Variants in SPECC1L observed in about 807,000 individuals in gnomAD.
The protein encoded by SPECC1L is cytospin-A.
A neutral mutation model predicts 116.8 loss-of-function variants in SPECC1L; 40 were observed. The observed-to-expected ratio is 0.34, with a 90% CI of 0.27 to 0.45. The LOEUF (loss-of-function observed/expected upper bound fraction) is 0.45. SPECC1L is among the 20% of genes least tolerant of loss of function. The pLI, the probability that SPECC1L is intolerant of heterozygous loss-of-function variation, is 1.00. For synonymous variants in SPECC1L, 504 were observed against 500.6 expected (o/e 1.01, Z -0.09); for missense variants, 1,110 against 1,373.6 (o/e 0.81, Z 3.03).
chr22:24,378,780 G>T (rs1232210475), intron 14 of SPECC1L, among the ~76,000 whole-genome samples: 1 of 152,064 alleles, frequency 6.6e-6, no homozygotes, highest in African/African-American at 2.4e-5. Flanking sequence ...ACAGTTCATG[G>T]CACCCCAAAA....
chr22:24,374,877 A>G (rs998571387), intron 14 of SPECC1L, among the ~76,000 whole-genome samples: 1 of 152,022 alleles, frequency 6.6e-6, no homozygotes, highest in Admixed American at 6.6e-5. Flanking sequence ...AAATAGAAAA[A>G]CAATAGAGAA....
rs9624454 is a variant in SPECC1L at position 24,305,994 on chromosome 22, C to G, written c.153+3610C>G. On this transcript the variant is annotated intron_variant, in intron 3 of 16. Transcript: ENST00000314328. Reference sequence around the variant, plus strand: ...TGGAGTGCAATGGCGCCATCTCCGCCTCCCGGGTTCAAGCGATTCTCCTGC... The same window carrying G: ...TGGAGTGCAATGGCGCCATCTCCGCGTCCCGGGTTCAAGCGATTCTCCTGC... 1.3e-3 allele frequency among the ~76,000 whole-genome samples: 196 copies of G among 151,926 alleles called. 2 individuals carry two copies. The highest frequency in any genetic ancestry group is 6.8e-3 in the Middle Eastern group (2 of 292).
chr22:24,320,689 A>G (rs1214343922), intron 4 of SPECC1L, among the ~76,000 whole-genome samples: 1 of 152,214 alleles, frequency 6.6e-6, no homozygotes, highest in African/African-American at 2.4e-5. Flanking sequence ...ACCAAGTGCT[A>G]GGTATGTGTT....
chr22:24,367,342 C>T (rs535489211), intron 13 of SPECC1L, among the ~76,000 whole-genome samples: 15 of 152,310 alleles, frequency 9.8e-5, no homozygotes, highest in African/African-American at 3.1e-4. Context: ...TCCTTTAAAG[C>T]AAGCTTCTCC....
intron 8 of SPECC1L, among the ~76,000 whole-genome samples, 173 bp from the exon 9 acceptor site, chr22:24,334,237 C>T (rs2041000031): frequency 6.6e-6 from 1 of 152,060 alleles, no homozygotes; most frequent in South Asian, 2.1e-4. Context: ...TGGTCTCGAT[C>T]TCCTGACCTC....
At chr22:24,312,779 G>GT (rs1379504803) in intron 3 of SPECC1L, among the ~76,000 whole-genome samples, 2 of 152,048 alleles carry the variant, frequency 1.3e-5, no homozygotes, top group African/African-American at 4.8e-5. Flanking sequence ...AAAGCCTCTA[G>GT]TTTTTTATTA....
At chr22:24,344,798 AG>A (rs1175293085) in intron 10 of SPECC1L, among the ~76,000 whole-genome samples, 1 of 152,210 alleles carries the variant, frequency 6.6e-6, no homozygotes, top group Non-Finnish European at 1.5e-5. Context: ...GAATAATTGG[AG>A]ATTGAAATAC....
chr22:24,292,261 A>G (rs1270350169), intron 2 of SPECC1L, among the ~76,000 whole-genome samples: 3 of 152,176 alleles, frequency 2.0e-5, no homozygotes, highest in East Asian at 3.8e-4. Flanking sequence ...TCCTTTTGGT[A>G]TATTTCTGAA....
At chr22:24,307,856 A>G (rs1401245988) in intron 3 of SPECC1L, among the ~76,000 whole-genome samples, 1 of 150,486 alleles carries the variant, frequency 6.6e-6, no homozygotes, top group African/African-American at 2.5e-5. Flanking sequence ...TTTTTTTTCT[A>G]AAAGTGTTTT....
intron 3 of SPECC1L, among the ~76,000 whole-genome samples, chr22:24,312,554 A>G (rs1428977877): frequency 6.6e-6 from 1 of 152,116 alleles, no homozygotes; most frequent in African/African-American, 2.4e-5. Context: ...TTTCCCCCAC[A>G]TATCTTTAAC....
chr22:24,369,508 G>T (rs939787857), intron 14 of SPECC1L, among the ~76,000 whole-genome samples, 188 bp downstream of exon 14: 1 of 152,002 alleles, frequency 6.6e-6, no homozygotes, highest in Non-Finnish European at 1.5e-5. Flanking sequence ...TCAAGCCTGG[G>T]CAACATGGCA....
At chr22:24,351,867 T>C (rs5996693) in intron 11 of SPECC1L, among the ~76,000 whole-genome samples, 188 of 152,276 alleles carry the variant, frequency 1.2e-3, no homozygotes, top group African/African-American at 4.1e-3. Flanking sequence ...GTGTCTTCAT[T>C]ACTGAAGTTT....
intron 14 of SPECC1L, among the ~76,000 whole-genome samples, chr22:24,402,896 C>CT (rs951361817): frequency 9.2e-5 from 14 of 152,206 alleles, no homozygotes; most frequent in African/African-American, 2.6e-4. Context: ...TATTTTTAAT[C>CT]TTTTTTGTGG....
chr22:24,401,564 A>G (rs1042651998), intron 14 of SPECC1L, among the ~76,000 whole-genome samples: 3 of 152,104 alleles, frequency 2.0e-5, no homozygotes, highest in East Asian at 1.9e-4. Context: ...TGCCTTGACT[A>G]TGGTTTGGTC....
At chr22:24,330,768 CAG>C (rs1391727475) in intron 8 of SPECC1L, among the ~76,000 whole-genome samples, 1 of 152,178 alleles carries the variant, frequency 6.6e-6, no homozygotes, top group East Asian at 1.9e-4. Flanking sequence ...ACTCTGGAGA[CAG>C]ATATTCTTGG....
chr22:24,302,117 TA>T, intron 2 of SPECC1L, 77 bp from the exon 3 acceptor site: 1 of 1,158,676 alleles, frequency 8.6e-7, no homozygotes, highest in South Asian at 1.3e-5. Flanking sequence ...TATCACATGG[TA>T]AAATTCTTCG....
chr22:24,405,866 T>C (rs763934304), intron 14 of SPECC1L, among the ~76,000 whole-genome samples: 12 of 151,284 alleles, frequency 7.9e-5, no homozygotes, highest in African/African-American at 1.5e-4. Flanking sequence ...ACTTTACATA[T>C]GTAAAGCACA....
rs149489184 is a variant in SPECC1L, at chr22:24,338,955, A to T, written c.2652+478A>T. 3.7e-3 allele frequency among the ~76,000 whole-genome samples: 561 copies of T among 152,336 alleles called. 3 individuals carry two copies. Among genetic ancestry groups the T allele is most frequent in the Middle Eastern group, 0.02 (6 of 294 alleles). On this transcript the variant is annotated intron_variant, in intron 10 of 16. Coordinates refer to ENST00000314328, the MANE Select transcript of SPECC1L (RefSeq NM_015330.6). Reference sequence around the variant, plus strand: ...AGACACAAAGGTGTCTCTTGAGTAGAATATGTGGTTGCCATGTCTCAGCCT... The same window carrying T: ...AGACACAAAGGTGTCTCTTGAGTAGTATATGTGGTTGCCATGTCTCAGCCT...
chr22:24,413,407 G>T (rs1050921188), intron 16 of SPECC1L, among the ~76,000 whole-genome samples: 4 of 152,204 alleles, frequency 2.6e-5, no homozygotes, highest in African/African-American at 9.7e-5. Context: ...AGACCATCGG[G>T]ATTTTCAGAA....
Sources: gnomAD v4.1 joint callset for allele counts (sites outside exome capture counted in the v4.1 genomes callset) on GRCh38, gnomAD v4.1.1 for gene constraint, MANE v1.5 for transcripts, NCBI Gene and HGNC (gene_info 2026-07-23, HGNC 2026-07-21) for gene names.